The following RAB5B variants were observed in gnomAD, a reference collection of about 807,000 sequenced individuals.
RAB5B encodes RAB5B, member RAS oncogene family.
In RAB5B, 11 loss-of-function variants were observed where a neutral mutation model predicts 28.6. That is an observed-to-expected ratio of 0.38 (90% confidence interval 0.24 to 0.64). The LOEUF is 0.64. RAB5B is among the 30% of genes least tolerant of loss of function. The probability of loss-of-function intolerance (pLI) is 0.53; values close to 1 mark genes in which losing one functional copy is unlikely to be tolerated. For synonymous variants in RAB5B, 93 were observed against 97.9 expected, an observed-to-expected ratio of 0.95 and a Z score of 0.29; for missense variants, 169 against 265.6, an observed-to-expected ratio of 0.64 and a Z score of 2.53.
chr12:55,974,906 G>A (rs1181874820), intron 1 of RAB5B, among the ~76,000 whole-genome samples: 1 of 149,340 alleles, frequency 6.7e-6, no homozygotes, highest in Non-Finnish European at 1.5e-5. Context: ...TCCCAGGGTA[G>A]GGATGAAGAT....
rs530993350 is a variant in RAB5B at position 55,995,983 on chromosome 12, A to T, written c.*3771A>T. On this transcript the variant is annotated 3_prime_UTR_variant, in exon 6 of 6. Coordinates refer to ENST00000360299, the MANE Select transcript of RAB5B (RefSeq NM_002868.4). The stretch of plus-strand genomic sequence containing the variant: ...ACTCTCTCTCTCTCCATATATATAT[A>T]CATATATATATATATATATATTTTT... 1 of 105,434 alleles carries T rather than the reference A, an allele frequency of 9.5e-6. No individual in the cohort carries two copies. The highest frequency in any genetic ancestry group is 4.4e-5 in the African/African-American group (1 of 22,640). 6.5% of individuals were successfully genotyped at this position (105,434 alleles called of 1,614,324 possible).
chr12:55,974,377 G>T lies in RAB5B; in HGVS notation c.-93+238G>T, dbSNP rs542976497. Among the ~76,000 whole-genome samples, 28 of 152,356 alleles carry T rather than the reference G, an allele frequency of 1.8e-4. No homozygotes were observed. In the East Asian group the frequency reaches 5.2e-3, roughly 28 times the overall value. On this transcript the variant is annotated intron_variant, in intron 1 of 5. Transcript: ENST00000360299. ...GGCGGCTGGGCTGTGGCGGCGGCCAGGCCGAGGGCCGGGGGCTGGAGGCCT... is the reference window on the plus strand; with the variant it reads ...GGCGGCTGGGCTGTGGCGGCGGCCATGCCGAGGGCCGGGGGCTGGAGGCCT...
chr12:55,974,322 C>T (rs1230185452), intron 1 of RAB5B, among the ~76,000 whole-genome samples, 183 bp downstream of exon 1: 1 of 152,026 alleles, frequency 6.6e-6, no homozygotes, highest in East Asian at 1.9e-4. Context: ...GACTGGGCGG[C>T]CTGGGACCCC....
Position 55,986,900 on chromosome 12 carries a change from C to A in RAB5B, c.-61C>A. The A allele has an allele frequency of 3.4e-6, 1 of 292,058 alleles. No homozygotes were observed. The highest frequency in any genetic ancestry group is 6.9e-6 in the Non-Finnish European group (1 of 144,112). 18.1% of individuals were successfully genotyped at this position (292,058 alleles called of 1,614,324 possible). A position where few individuals can be genotyped will look rare whatever the true frequency, so the allele number is the denominator to read the frequency against. ...TGAAGCCTGGAAATCCCCTCCCCTT[C>A]CCCCTCCCCCCTTTACAGTATCCCC... On this transcript the variant is annotated 5_prime_UTR_variant, in exon 2 of 6. Transcript: ENST00000360299.
At chr12:55,985,818 T>C (rs1049940274) in intron 1 of RAB5B, 3 of 442,180 alleles carry the variant, frequency 6.8e-6, no homozygotes, top group Non-Finnish European at 1.4e-5. Context: ...GCAAGACAGC[T>C]GCAAGTTGAG....
At chr12:55,987,598 G>A (rs1469013287) in intron 2 of RAB5B, among the ~76,000 whole-genome samples, 2 of 152,154 alleles carry the variant, frequency 1.3e-5, no homozygotes, top group East Asian at 3.9e-4. Context: ...GGGAGGCCAA[G>A]ATGGGCGGAT....
Position 55,996,187 on chromosome 12 carries a change from T to A in RAB5B, c.*3975T>A, listed in dbSNP as rs1400567422. The A allele has an allele frequency of 6.6e-6, 1 of 151,132 alleles. No homozygotes were observed. Among genetic ancestry groups the A allele is most frequent in the African/African-American group, 2.4e-5 (1 of 40,958 alleles). The allele number at this position is 151,132 out of a possible 1,614,324, so 9.4% of individuals were successfully genotyped here. A position where few individuals can be genotyped will look rare whatever the true frequency, so the allele number is the denominator to read the frequency against. ...ATACCCCCCACCCCCGTTCCCTGATTCCTGGTAAAAGCTCTAGTTGGAGAG... is the reference window on the plus strand; with the variant it reads ...ATACCCCCCACCCCCGTTCCCTGATACCTGGTAAAAGCTCTAGTTGGAGAG... On this transcript the variant is annotated 3_prime_UTR_variant, in exon 6 of 6. Transcript: ENST00000360299.
intron 1 of RAB5B, among the ~76,000 whole-genome samples, chr12:55,984,428 T>C (rs1889898673): frequency 6.6e-6 from 1 of 151,762 alleles, no homozygotes. Context: ...GACCTCCTGA[T>C]CTGCCTGCCT....
chr12:55,988,935 CTT>C lies in RAB5B; in HGVS notation c.164-990_164-989del, dbSNP rs35994383. Among the ~76,000 whole-genome samples the C allele has an allele frequency of 8.4e-5, 8 of 94,678 alleles. No homozygotes were observed. The East Asian group carries it at 1.9e-3, about 22-fold the overall frequency. The allele number at this position is 94,678 out of a possible 152,430, so 62.1% of individuals were successfully genotyped here. ...AAGCTTTAAAATCTTCTAATTAATTCTTTTTTTTTTTTTTTTTTTTTTTGGAT... is the reference window on the plus strand; with the variant it reads ...AAGCTTTAAAATCTTCTAATTAATTCTTTTTTTTTTTTTTTTTTTTTGGAT... On this transcript the variant is annotated intron_variant, in intron 2 of 5. Coordinates refer to ENST00000360299, the MANE Select transcript of RAB5B (RefSeq NM_002868.4).
chr12:55,990,586 C>T (rs1890083737), intron 3 of RAB5B, 96 bp from the exon 4 acceptor site: 1 of 1,474,986 alleles, frequency 6.8e-7, no homozygotes, highest in East Asian at 2.3e-5. Flanking sequence ...GAGGGAAGAC[C>T]ACCTAGAAGA....
At chr12:55,976,616 C>G (rs901011723) in intron 1 of RAB5B, among the ~76,000 whole-genome samples, 4 of 152,188 alleles carry the variant, frequency 2.6e-5, no homozygotes, top group Admixed American at 2.0e-4. Flanking sequence ...CCTTTCTTAT[C>G]CATGATGATG....
At chr12:55,980,866 C>G in intron 1 of RAB5B, 1 of 1,610,510 alleles carries the variant, frequency 6.2e-7, no homozygotes, top group Non-Finnish European at 8.5e-7. Flanking sequence ...GTAGTTTGAT[C>G]TTCTTCCCCT....
At position 55,995,826 on chromosome 12, in the gene RAB5B, T is replaced by A. The variant is rs916092858; in HGVS notation, c.*3614T>A. 2 of 151,530 alleles carry A rather than the reference T, an allele frequency of 1.3e-5. No individual in the cohort carries two copies. The highest frequency in any genetic ancestry group is 2.4e-5 in the African/African-American group (1 of 41,212). 9.4% of individuals were successfully genotyped at this position (151,530 alleles called of 1,614,324 possible). ...TGTGTCACACAAAAGTAGATGACAC[T>A]ATTAGGAAGGAGGCTTTTAGATAGT... On this transcript the variant is annotated 3_prime_UTR_variant, in exon 6 of 6. Coordinates refer to ENST00000360299, the MANE Select transcript of RAB5B (RefSeq NM_002868.4).
intron 1 of RAB5B, among the ~76,000 whole-genome samples, chr12:55,982,444 A>AG (rs914018368): frequency 6.6e-6 from 1 of 152,156 alleles, no homozygotes; most frequent in Non-Finnish European, 1.5e-5. Flanking sequence ...TGCTGTGAAC[A>AG]GGGAGGAAGG....
chr12:55,994,067 C>A lies in RAB5B; in HGVS notation c.*1855C>A, dbSNP rs1461691615. ...TTGCAGACTGCCTTCTATCCCAGAACAGCTGAGAAATCTATGAAGCTGAGA... is the reference window on the plus strand; with the variant it reads ...TTGCAGACTGCCTTCTATCCCAGAAAAGCTGAGAAATCTATGAAGCTGAGA... On this transcript the variant is annotated 3_prime_UTR_variant, in exon 6 of 6. Coordinates refer to ENST00000360299, the MANE Select transcript of RAB5B (RefSeq NM_002868.4). The A allele has an allele frequency of 3.3e-5, 5 of 152,662 alleles. No homozygotes were observed. The highest frequency in any genetic ancestry group is 1.2e-4 in the African/African-American group (5 of 41,440). 9.5% of individuals were successfully genotyped at this position (152,662 alleles called of 1,614,324 possible).
At chr12:55,980,669 T>C in intron 1 of RAB5B, 1 of 1,593,108 alleles carries the variant, frequency 6.3e-7, no homozygotes, top group South Asian at 1.1e-5. Flanking sequence ...CATGTCACAT[T>C]TGTTCCCTAG....
At chr12:55,987,243 C>T in intron 2 of RAB5B, 120 bp downstream of exon 2, 1 of 977,726 alleles carries the variant, frequency 1.0e-6, no homozygotes, top group Non-Finnish European at 1.5e-6. Flanking sequence ...TTACTGCAAC[C>T]TCTGTCTCCC....
At chr12:55,976,359 G>A (rs575159268) in intron 1 of RAB5B, among the ~76,000 whole-genome samples, 3 of 152,160 alleles carry the variant, frequency 2.0e-5, no homozygotes, top group South Asian at 2.1e-4. Flanking sequence ...TACCAAGTCC[G>A]ACAAGCAGAG....
At chr12:55,980,648 C>T (rs1889777786) in intron 1 of RAB5B, 3 of 1,596,368 alleles carry the variant, frequency 1.9e-6, no homozygotes, top group Non-Finnish European at 2.6e-6. Flanking sequence ...CTGCACCTTC[C>T]TCTTGGCCTC....
Sources: allele counts gnomAD v4.1 joint callset (sites outside exome capture counted in the v4.1 genomes callset), GRCh38; gene constraint gnomAD v4.1.1; transcripts MANE v1.5; gene names NCBI Gene and HGNC (gene_info 2026-07-23, HGNC 2026-07-21).